PKP2: variants seen among roughly 807,000 people sequenced by gnomAD.
PKP2 encodes plakophilin 2.
In PKP2, 73 loss-of-function variants were observed where a neutral mutation model predicts 83.4. The ratio of observed to expected loss-of-function variants is 0.88; its 90% CI spans 0.72 to 1.06. The LOEUF (loss-of-function observed/expected upper bound fraction) is 1.06. Among genes scored for constraint, PKP2 ranks in the 50% least tolerant of loss-of-function variants. The pLI is 0.00. For missense variants in PKP2, 966 were observed against 1,065.4 expected (o/e 0.91, Z 1.30); for synonymous variants, 409 against 430.4 (o/e 0.95, Z 0.62).
At chr12:32,863,159 C>T in intron 4 of PKP2, 1 of 180,866 alleles carries the variant, frequency 5.5e-6, no homozygotes, top group South Asian at 1.2e-4. Flanking sequence ...AGTGCGGTCT[C>T]CAGAACAAAA....
At position 32,841,008 on chromosome 12, in the gene PKP2, C is replaced by A. The variant is rs1381212810; in HGVS notation, c.1556+20G>T. The A allele has an allele frequency of 6.3e-7, 1 of 1,597,520 alleles. No homozygotes were observed. Among genetic ancestry groups the A allele is most frequent in the African/African-American group, 1.3e-5 (1 of 74,540 alleles). ...TTTTTTATTGCATCTTCTATCAGGG[C>A]AGGGTACAGGTAGCATTACCTTAGG... On this transcript the variant is annotated intron_variant, in intron 6 of 12. Transcript: ENST00000340811.
intron 6 of PKP2, among the ~76,000 whole-genome samples, chr12:32,827,927 T>C (rs1003995075): frequency 6.6e-6 from 1 of 152,222 alleles, no homozygotes; most frequent in African/African-American, 2.4e-5. Context: ...TAAAACTGCA[T>C]ACTGTTATAT....
At chr12:32,832,384 G>GA (rs746932674) in intron 6 of PKP2, among the ~76,000 whole-genome samples, 33 of 137,904 alleles carry the variant, frequency 2.4e-4, no homozygotes, top group East Asian at 4.2e-4. Context: ...CTCAAAAAAA[G>GA]AAAAAAAAAA....
chr12:32,855,794 A>AAAAAAAAAAAAAAAG lies in PKP2; in HGVS notation c.1171-4822_1171-4821insCTTTTTTTTTTTTTT, dbSNP rs1459718298. ...ATCTCAAAAAAAAAAAAAAAAAAAA[A>AAAAAAAAAAAAAAAG]AGGAAGAAAATATCTATGAATTTCT... On this transcript the variant is annotated intron_variant, in intron 4 of 12. Coordinates refer to ENST00000340811, the MANE Select transcript of PKP2 (RefSeq NM_001005242.3). Among the ~76,000 whole-genome samples, 3 of 148,388 alleles carry AAAAAAAAAAAAAAAG rather than the reference A, an allele frequency of 2.0e-5. 1 individual carries two copies. The highest frequency in any genetic ancestry group is 7.7e-5 in the African/African-American group (3 of 38,940).
chr12:32,809,905 A>G (rs1667324086), intron 9 of PKP2, among the ~76,000 whole-genome samples: 1 of 152,160 alleles, frequency 6.6e-6, no homozygotes, highest in Non-Finnish European at 1.5e-5. Flanking sequence ...GTGATTGTTT[A>G]GTCAGTCCCA....
intron 11 of PKP2, among the ~76,000 whole-genome samples, chr12:32,793,998 T>G (rs1019283108): frequency 2.0e-5 from 3 of 152,166 alleles, no homozygotes; most frequent in Admixed American, 6.5e-5. Flanking sequence ...CATGGCTGAT[T>G]TTTTTTCTTA....
intron 5 of PKP2, 39 bp downstream of exon 5, chr12:32,850,727 G>A (rs769434971): frequency 2.0e-6 from 3 of 1,493,602 alleles, no homozygotes; most frequent in Admixed American, 3.3e-5. Context: ...TGGCTGGGGT[G>A]CAAATGTGTT....
chr12:32,849,914 G>C (rs1269069844), intron 5 of PKP2, among the ~76,000 whole-genome samples: 1 of 152,200 alleles, frequency 6.6e-6, no homozygotes, highest in African/African-American at 2.4e-5. Flanking sequence ...TCTAATATTT[G>C]ATTACATTGA....
Position 32,792,673 on chromosome 12 carries a change from G to A in PKP2, c.2416C>T (p.His806Tyr). ...ASVLLYSLWA[H>Y]TELHHAYKKA... is the part of the protein sequence containing the mutation. ...TTGTAGGCATGATGCAGTTCCGTGTGTGCCCACAGAGAATACAGAAGGACG... is the reference window on the plus strand; with the variant it reads ...TTGTAGGCATGATGCAGTTCCGTGTATGCCCACAGAGAATACAGAAGGACG... Residue 806 changes from histidine (H) to tyrosine (Y), a missense_variant, in exon 12 of 13, where the codon CAC (histidine) becomes TAC (tyrosine). Coordinates refer to ENST00000340811, the MANE Select transcript of PKP2 (RefSeq NM_001005242.3). The A allele has an allele frequency of 6.2e-7, 1 of 1,614,028 alleles. No homozygotes were observed. The highest frequency in any genetic ancestry group is 8.5e-7 in the Non-Finnish European group (1 of 1,179,930).
chr12:32,821,901 G>A (rs1255522701), intron 8 of PKP2: 2 of 290,550 alleles, frequency 6.9e-6, no homozygotes, highest in East Asian at 9.2e-5. Context: ...TCTTGTGAAA[G>A]TGTCCAGGAT....
intron 1 of PKP2, among the ~76,000 whole-genome samples, chr12:32,882,006 C>T (rs1475237772): frequency 6.6e-6 from 1 of 152,084 alleles, no homozygotes; most frequent in East Asian, 1.9e-4. Context: ...ACCCTCAGCA[C>T]TGGGAATATG....
At chr12:32,798,131 C>T (rs1956146480) in intron 10 of PKP2, among the ~76,000 whole-genome samples, 2 of 132,542 alleles carry the variant, frequency 1.5e-5, no homozygotes, top group Non-Finnish European at 3.1e-5. Context: ...GTTGCCCAGG[C>T]TGGAGTGCAA....
At chr12:32,800,027 T>C (rs965477889) in intron 10 of PKP2, among the ~76,000 whole-genome samples, 4 of 152,236 alleles carry the variant, frequency 2.6e-5, no homozygotes, top group Non-Finnish European at 5.9e-5. Flanking sequence ...CTTTTTGTAA[T>C]AGTTATTTTC....
At chr12:32,841,669 C>A (rs1214917792) in intron 5 of PKP2, among the ~76,000 whole-genome samples, 3 of 152,260 alleles carry the variant, frequency 2.0e-5, no homozygotes, top group Non-Finnish European at 4.4e-5. Context: ...TGCCTCCTTC[C>A]CCACTAACTG....
intron 3 of PKP2, among the ~76,000 whole-genome samples, chr12:32,876,952 C>T (rs1003563982): frequency 6.6e-6 from 1 of 152,116 alleles, no homozygotes; most frequent in Non-Finnish European, 1.5e-5. Flanking sequence ...TTAGATTAGC[C>T]CTCATCATTT....
intron 3 of PKP2, among the ~76,000 whole-genome samples, chr12:32,875,338 G>A (rs1475080604): frequency 1.3e-5 from 2 of 152,136 alleles, no homozygotes; most frequent in African/African-American, 2.4e-5. Flanking sequence ...GGTGTGGAGT[G>A]GGGGAAAAGA....
chr12:32,799,551 C>T (rs1001770316), intron 10 of PKP2, among the ~76,000 whole-genome samples: 2 of 152,084 alleles, frequency 1.3e-5, no homozygotes, highest in African/African-American at 4.8e-5. Flanking sequence ...CATCAACCAA[C>T]GAGTGGATAC....
At chr12:32,816,830 T>C (rs1384976602) in intron 9 of PKP2, among the ~76,000 whole-genome samples, 2 of 152,182 alleles carry the variant, frequency 1.3e-5, no homozygotes, top group East Asian at 3.9e-4. Flanking sequence ...TGATAATTAA[T>C]GATGATTAGT....
intron 4 of PKP2, among the ~76,000 whole-genome samples, chr12:32,862,827 T>G (rs1956812700): frequency 6.8e-6 from 1 of 146,978 alleles, no homozygotes; most frequent in Non-Finnish European, 1.5e-5. Flanking sequence ...GGCAAAACCC[T>G]ACCTCTACTA....
Sources: allele counts gnomAD v4.1 joint callset (sites outside exome capture counted in the v4.1 genomes callset), GRCh38; gene constraint gnomAD v4.1.1; transcripts MANE v1.5; gene names NCBI Gene and HGNC (gene_info 2026-07-23, HGNC 2026-07-21).